The following PPP1R37 variants were observed in gnomAD, a reference collection of about 807,000 sequenced individuals.
PPP1R37 encodes the protein leucine rich repeat containing 68.
In PPP1R37, 21 loss-of-function variants were observed where a neutral mutation model predicts 61.0. The ratio of observed to expected loss-of-function variants is 0.34; its 90% CI spans 0.24 to 0.50. The LOEUF (loss-of-function observed/expected upper bound fraction) is 0.50. Ranked by LOEUF, PPP1R37 falls within the 20% of genes least tolerant of loss-of-function variation. The probability of loss-of-function intolerance (pLI) is 0.98; values close to 1 mark genes in which losing one functional copy is unlikely to be tolerated. For missense variants in PPP1R37, 910 were observed against 952.7 expected (o/e 0.96, Z 0.59); for synonymous variants, 443 against 433.5 (o/e 1.02, Z -0.27).
At chr19:45,100,882 G>T (rs956189061) in intron 1 of PPP1R37, among the ~76,000 whole-genome samples, 1 of 152,222 alleles carries the variant, frequency 6.6e-6, no homozygotes, top group African/African-American at 2.4e-5. Context: ...ATTGCCTGCT[G>T]TTCTGACCCT....
intron 1 of PPP1R37, among the ~76,000 whole-genome samples, chr19:45,132,401 G>C (rs548263017): frequency 6.6e-6 from 1 of 151,870 alleles, no homozygotes; most frequent in African/African-American, 2.4e-5. Flanking sequence ...AAACTCCCAG[G>C]CTCAAGCTAT....
At chr19:45,131,928 C>A (rs2122742523) in intron 1 of PPP1R37, among the ~76,000 whole-genome samples, 1 of 152,254 alleles carries the variant, frequency 6.6e-6, no homozygotes, top group South Asian at 2.1e-4. Flanking sequence ...CACAGGTGTC[C>A]CTTTCAGGGA....
intron 1 of PPP1R37, among the ~76,000 whole-genome samples, chr19:45,093,962 G>A (rs966508602): frequency 1.3e-5 from 2 of 152,182 alleles, no homozygotes; most frequent in African/African-American, 2.4e-5. Context: ...TTAAGTTGCT[G>A]GTCTGCAAGC....
rs775794375 is a variant in PPP1R37, at chr19:45,130,203, G to T, written c.203-8311G>T. ...CTGTCACCATCCAAGATGGCAATCT[G>T]GTGTGCCATTCCTGACTGCCAACCT... On this transcript the variant is annotated intron_variant, in intron 1 of 12. Coordinates refer to ENST00000221462, the MANE Select transcript of PPP1R37 (RefSeq NM_019121.2). This position sits in a 1 kb window ranked among gnomAD's most constrained non-coding sequence, Gnocchi z 4.4. Among the ~76,000 whole-genome samples, 6 of 152,098 alleles carry T rather than the reference G, an allele frequency of 3.9e-5. No individual in the cohort carries two copies. The highest frequency in any genetic ancestry group is 8.8e-5 in the Non-Finnish European group (6 of 68,012).
At position 45,147,115 on chromosome 19, in the gene PPP1R37, C is replaced by G. The variant is rs1487210322; in HGVS notation, c.*553C>G. 6.5e-6 allele frequency: 1 copy of G among 153,922 alleles called. No homozygotes were observed. Among genetic ancestry groups the G allele is most frequent in the Non-Finnish European group, 1.4e-5 (1 of 69,316 alleles). 9.5% of individuals were successfully genotyped at this position (153,922 alleles called of 1,614,324 possible). A position where few individuals can be genotyped will look rare whatever the true frequency, so the allele number is the denominator to read the frequency against. On this transcript the variant is annotated 3_prime_UTR_variant, in exon 13 of 13. Transcript: ENST00000221462. ...GGAGCTGGGGCGGGAGCAGCCGGCA[C>G]TCCGGGACCCTGCTGTCCAGGCCAC...
rs1027554820 is a variant in PPP1R37, at chr19:45,130,173, T to A, written c.203-8341T>A. ...TCAGCTGCCAAAACCCAGGGACAGG[T>A]GAGGCTGTCACCATCCAAGATGGCA... On this transcript the variant is annotated intron_variant, in intron 1 of 12. Transcript: ENST00000221462. The surrounding 1 kb of genome is among the most constrained non-coding windows in gnomAD (Gnocchi z 4.4). 6.6e-6 allele frequency among the ~76,000 whole-genome samples: 1 copy of A among 152,058 alleles called. No individual in the cohort carries two copies. The highest frequency in any genetic ancestry group is 2.4e-5 in the African/African-American group (1 of 41,418).
intron 1 of PPP1R37, among the ~76,000 whole-genome samples, chr19:45,103,932 A>G (rs1599690105): frequency 1.3e-5 from 2 of 152,104 alleles, no homozygotes; most frequent in Non-Finnish European, 2.9e-5. Context: ...CACTGTAACT[A>G]CAGGACAAAG....
chr19:45,099,827 T>G (rs1429283172), intron 1 of PPP1R37, among the ~76,000 whole-genome samples: 1 of 152,202 alleles, frequency 6.6e-6, no homozygotes, highest in Non-Finnish European at 1.5e-5. Context: ...TTTTTTGTGG[T>G]AGTTAATCCA....
intron 1 of PPP1R37, among the ~76,000 whole-genome samples, chr19:45,100,891 C>T (rs1215243447): frequency 1.3e-5 from 2 of 152,224 alleles, no homozygotes; most frequent in Non-Finnish European, 2.9e-5. Context: ...TGTTCTGACC[C>T]TTGGCCTCTG....
chr19:45,141,841 G>A (rs1294542930), intron 5 of PPP1R37, among the ~76,000 whole-genome samples: 2 of 152,280 alleles, frequency 1.3e-5, no homozygotes, highest in East Asian at 1.9e-4. Context: ...GCCCTGCCTC[G>A]CTCACCCACA....
intron 8 of PPP1R37, chr19:45,143,853 C>T (rs1198480440): frequency 5.0e-6 from 2 of 403,882 alleles, no homozygotes; most frequent in East Asian, 1.0e-4. Flanking sequence ...TTTTTTGAGA[C>T]CGAGTCTCAT....
chr19:45,128,658 G>C (rs1015342051), intron 1 of PPP1R37: 1 of 1,238,218 alleles, frequency 8.1e-7, no homozygotes, highest in Admixed American at 1.8e-5. Context: ...CACTGGCTTC[G>C]TGGTGCTCAA....
rs916293845 is a variant in PPP1R37, at chr19:45,145,599, G to A, written c.1543G>A (p.Glu515Lys). ...SDSDSDSDGE[E>K]EEEEEGERDE... ...CTCAGACTCGGACTCGGATGGGGAG[G>A]AAGAGGAGGAAGAGGAAGGGGAGAG... is the stretch of plus-strand genomic sequence containing the variant. Residue 515 changes from glutamate to lysine, a missense_variant, in exon 11 of 13, where the codon GAA (glutamate) becomes AAA (lysine). Physicochemically the swap from Glu to Lys is moderately conservative, Grantham distance 56. This residue lies in a region of PPP1R37 where 549 missense variants were observed against 505.1 expected (regional missense o/e 1.09). Coordinates refer to ENST00000221462, the MANE Select transcript of PPP1R37 (RefSeq NM_019121.2). The A allele has an allele frequency of 5.9e-5, 90 of 1,535,560 alleles. No individual in the cohort carries two copies. Among genetic ancestry groups the A allele is most frequent in the Non-Finnish European group, 7.3e-5 (84 of 1,146,724 alleles).
intron 1 of PPP1R37, among the ~76,000 whole-genome samples, chr19:45,114,898 G>A (rs970167338): frequency 1.3e-5 from 2 of 152,252 alleles, no homozygotes; most frequent in East Asian, 1.9e-4. Context: ...CCAGCTGGGG[G>A]GCTTATGGAG....
At chr19:45,135,204 T>G (rs143142672) in intron 1 of PPP1R37, among the ~76,000 whole-genome samples, 1,572 of 152,184 alleles carry the variant, frequency 0.01, 26 homozygotes, top group African/African-American at 0.036. Context: ...GCTGAGATCA[T>G]GCCACTGAAC....
At chr19:45,096,672 G>A (rs913097719) in intron 1 of PPP1R37, among the ~76,000 whole-genome samples, 2 of 152,126 alleles carry the variant, frequency 1.3e-5, no homozygotes, top group East Asian at 1.9e-4. Context: ...GAGGGGTGCC[G>A]GTTGGTCTGT....
chr19:45,126,521 C>T (rs978467230), intron 1 of PPP1R37, among the ~76,000 whole-genome samples: 9 of 152,178 alleles, frequency 5.9e-5, no homozygotes, highest in Non-Finnish European at 1.0e-4. Flanking sequence ...TATTTATTGT[C>T]GTGAACAAGA....
Position 45,093,386 on chromosome 19 carries a change from G to T in PPP1R37, c.61G>T (p.Ala21Ser). 1 of 1,531,708 alleles carries T rather than the reference G, an allele frequency of 6.5e-7. No individual in the cohort carries two copies. Among genetic ancestry groups the T allele is most frequent in the South Asian group, 1.2e-5 (1 of 83,728 alleles). 94.9% of individuals were successfully genotyped at this position (1,531,708 alleles called of 1,614,324 possible). ...VPGADGDIEE[A>S]PAEAGSPSPA... ...GGGCGCGGACGGCGACATTGAAGAGGCCCCAGCTGAGGCCGGGTCTCCCAG... is the reference window on the plus strand; with the variant it reads ...GGGCGCGGACGGCGACATTGAAGAGTCCCCAGCTGAGGCCGGGTCTCCCAG... Residue 21 changes from alanine (A) to serine (S), a missense_variant, in exon 1 of 13, where the codon GCC (alanine) becomes TCC (serine). This residue lies in a region of PPP1R37 where 81 missense variants were observed against 65.4 expected (regional missense o/e 1.24). Coordinates refer to ENST00000221462, the MANE Select transcript of PPP1R37 (RefSeq NM_019121.2).
chr19:45,114,772 C>G (rs978283107), intron 1 of PPP1R37, among the ~76,000 whole-genome samples: 4 of 17,906 alleles, frequency 2.2e-4, no homozygotes, highest in Admixed American at 1.4e-3. Flanking sequence ...CAAGTGAGAC[C>G]CCCCCCCCCA....
Sources: gnomAD v4.1 joint callset for allele counts (sites outside exome capture counted in the v4.1 genomes callset) on GRCh38, gnomAD v4.1.1 for gene constraint, gnomAD v4.1.1 regional missense constraint, Gnocchi (gnomAD v3.1) non-coding constraint, MANE v1.5 for transcripts, NCBI Gene and HGNC (gene_info 2026-07-23, HGNC 2026-07-21) for gene names.